The following TSC2 variants were observed in gnomAD, a reference collection of about 807,000 sequenced individuals.
The protein encoded by TSC2 is TSC complex subunit 2.
TSC2 carries 29 observed loss-of-function variants against 202.2 expected under a neutral mutation model. The observed-to-expected ratio is 0.14, with a 90% CI of 0.11 to 0.20. The LOEUF is 0.20. Ranked by LOEUF, TSC2 falls within the 10% of genes least tolerant of loss-of-function variation. The pLI is 1.00. For synonymous variants in TSC2, 1,349 were observed against 1,044.0 expected, an observed-to-expected ratio of 1.29 and a Z score of -5.63; for missense variants, 2,429 against 2,420.0, an observed-to-expected ratio of 1.00 and a Z score of -0.08.
rs1326318078 is a variant in TSC2, at chr16:2,071,611, C to T, written c.1941C>T (p.Asp647=). 2 of 1,613,420 alleles carry T rather than the reference C, an allele frequency of 1.2e-6. No homozygotes were observed. Among genetic ancestry groups the T allele is most frequent in the South Asian group, 1.1e-5 (1 of 91,090 alleles). ...VVRFSPYCVC[D]YMEPERGSEK... is the part of the protein sequence containing the mutation. The stretch of plus-strand genomic sequence containing the variant: ...GGTTCAGCCCCTACTGCGTCTGCGA[C>T]TACATGTACGCGGGACCTCGCCCAC... The change falls in exon 18 of 42, where the codon GAC becomes GAT. Residue 647 remains aspartate, a synonymous_variant. Transcript: ENST00000219476.
chr16:2,056,134 A>T, intron 6 of TSC2, 62 bp from the exon 7 acceptor site: 1 of 1,604,890 alleles, frequency 6.2e-7, no homozygotes, highest in Non-Finnish European at 8.5e-7. Flanking sequence ...ACTAGACCAC[A>T]GCCCGTGGTG....
intron 17 of TSC2, 36 bp downstream of exon 17, chr16:2,070,614 G>A (rs768516174): frequency 1.2e-6 from 2 of 1,612,300 alleles, no homozygotes; most frequent in Non-Finnish European, 1.7e-6. Context: ...AGTTCCTGGG[G>A]GCCCAGCCAG....
At chr16:2,075,023 C>G (rs2089082679) in intron 22 of TSC2, 1 of 158,048 alleles carries the variant, frequency 6.3e-6, no homozygotes, top group African/African-American at 2.5e-5. Context: ...CGAGACCAGC[C>G]TGGCCAACCT....
chr16:2,067,497 G>A (rs1262351872), intron 16 of TSC2, among the ~76,000 whole-genome samples: 4 of 151,556 alleles, frequency 2.6e-5, no homozygotes, highest in East Asian at 2.0e-4. Context: ...TCAGCCGGGT[G>A]TGGTGGCTCA....
intron 15 of TSC2, 157 bp downstream of exon 15, chr16:2,064,584 C>A: frequency 9.3e-7 from 1 of 1,069,704 alleles, no homozygotes; most frequent in Non-Finnish European, 1.4e-6. Context: ...GAGGCCTGTG[C>A]AGGGCCTGCC....
In TSC2 at chr16:2,072,578, G is replaced by C. The variant is rs750646658; in HGVS notation, c.2220+215G>C. ...TTGGGACTGACGTCAGAGGTCCCCAGCCAAGGGCATGTCACTGAATGTGGA... is the reference window on the plus strand; with the variant it reads ...TTGGGACTGACGTCAGAGGTCCCCACCCAAGGGCATGTCACTGAATGTGGA... On this transcript the variant is annotated intron_variant, in intron 20 of 41. Coordinates refer to ENST00000219476, the MANE Select transcript of TSC2 (RefSeq NM_000548.5). The C allele has an allele frequency of 7.8e-4, 647 of 829,526 alleles. 1 individual carries two copies. The highest frequency in any genetic ancestry group is 1.5e-3 in the Admixed American group (54 of 35,898). 51.4% of individuals were successfully genotyped at this position (829,526 alleles called of 1,614,324 possible). A position where few individuals can be genotyped will look rare whatever the true frequency, so the allele number is the denominator to read the frequency against.
At position 2,071,885 on chromosome 16, in the gene TSC2, C is replaced by A. The variant is rs919334398; in HGVS notation, c.2048C>A (p.Ser683Tyr). 1 of 1,597,164 alleles carries A rather than the reference C, an allele frequency of 6.3e-7. No homozygotes were observed. The highest frequency in any genetic ancestry group is 8.5e-7 in the Non-Finnish European group (1 of 1,172,472). Residue 683 changes from serine to tyrosine, a missense_variant, in exon 19 of 42, where the codon TCC (serine) becomes TAC (tyrosine). Ser to Tyr is a moderately radical substitution (Grantham distance 144). Transcript: ENST00000219476. ...GCAGGCCCCGCCGTGCGGCTGGGGT[C>A]CGTGCCCTACTCCCTGCTCTTCCGC... Reference protein sequence around the residue: ...APAGPAVRLGSVPYSLLFRVL... With the variant: ...APAGPAVRLGYVPYSLLFRVL...
intron 30 of TSC2, 35 bp from the exon 31 acceptor site, chr16:2,081,560 C>T (rs1299711204): frequency 6.2e-7 from 1 of 1,612,316 alleles, no homozygotes; most frequent in Non-Finnish European, 8.5e-7. Context: ...AGGGGAGGTA[C>T]TGGCCTCAGG....
At chr16:2,069,408 CTG>C (rs2087876867) in intron 16 of TSC2, among the ~76,000 whole-genome samples, 1 of 152,118 alleles carries the variant, frequency 6.6e-6, no homozygotes, top group African/African-American at 2.4e-5. Flanking sequence ...CCTCCGCCTC[CTG>C]GGTTCAAGCG....
intron 14 of TSC2, chr16:2,063,379 C>T (rs971611241): frequency 2.0e-6 from 1 of 494,194 alleles, no homozygotes. Flanking sequence ...TGCATGGGGA[C>T]ATTGTCTTCC....
chr16:2,054,146 A>G, intron 4 of TSC2, 150 bp from the exon 5 acceptor site: 1 of 1,261,742 alleles, frequency 7.9e-7, no homozygotes, highest in Non-Finnish European at 1.1e-6. Context: ...TACAATGCTG[A>G]TGCTGCAGAC....
chr16:2,066,090 G>A (rs954647494), intron 16 of TSC2: 1 of 176,208 alleles, frequency 5.7e-6, no homozygotes, highest in African/African-American at 2.4e-5. Flanking sequence ...CAACCCCACA[G>A]TCAGCTTGAG....
intron 22 of TSC2, chr16:2,075,232 A>C (rs963311011): frequency 3.9e-5 from 6 of 155,626 alleles, no homozygotes; most frequent in Non-Finnish European, 5.6e-5. Context: ...CAAAAAAAAA[A>C]AAGAGAGAAG....
At chr16:2,077,763 A>G (rs1339770498) in intron 26 of TSC2, 37 bp downstream of exon 26, 2 of 1,608,448 alleles carry the variant, frequency 1.2e-6, no homozygotes. Context: ...CGGACCCTGG[A>G]GCTTGGCCCC....
At chr16:2,083,910 G>A in intron 33 of TSC2, 94 bp downstream of exon 33, 3 of 1,499,752 alleles carry the variant, frequency 2.0e-6, no homozygotes, top group Non-Finnish European at 2.7e-6. Context: ...CCTGGGAACT[G>A]GCTCTGAACT....
Position 2,088,653 on chromosome 16 carries a change from C to T in TSC2, c.*43C>T, listed in dbSNP as rs1249302788. ...CTGCACTGGCCTTGGACGGTATTGC[C>T]TGTCAGTGAAATAAATAAAGTCCTG... On this transcript the variant is annotated 3_prime_UTR_variant, in exon 42 of 42. Coordinates refer to ENST00000219476, the MANE Select transcript of TSC2 (RefSeq NM_000548.5). 6.4e-7 allele frequency: 1 copy of T among 1,574,166 alleles called. No individual in the cohort carries two copies. The highest frequency in any genetic ancestry group is 1.8e-5 in the Admixed American group (1 of 55,928).
chr16:2,084,387 C>G lies in TSC2; in HGVS notation c.4165C>G (p.Pro1389Ala). 6.2e-7 allele frequency: 1 copy of G among 1,612,374 alleles called. No homozygotes were observed. The highest frequency in any genetic ancestry group is 8.5e-7 in the Non-Finnish European group (1 of 1,179,882). Residue 1389 changes from proline to alanine, a missense_variant, in exon 34 of 42, where the codon CCC becomes GCC. Coordinates refer to ENST00000219476, the MANE Select transcript of TSC2 (RefSeq NM_000548.5). ...GCCCCTGAGCAAGTCCAGCTCCTCT[C>G]CCGAGCTGCAGACTCTGCAGGACAT... Reference protein sequence around the residue: ...SQPLSKSSSSPELQTLQDILG... With the variant: ...SQPLSKSSSSAELQTLQDILG...
intron 14 of TSC2, 144 bp downstream of exon 14, chr16:2,063,197 T>A: frequency 1.0e-6 from 1 of 957,140 alleles, no homozygotes; most frequent in East Asian, 2.6e-5. Context: ...CAGCGTGGTC[T>A]GTTTACCCCT....
intron 32 of TSC2, 66 bp from the exon 33 acceptor site, chr16:2,083,629 G>C (rs779226684): frequency 6.5e-7 from 1 of 1,548,980 alleles, no homozygotes; most frequent in Admixed American, 2.0e-5. Context: ...CTGGTTCTCG[G>C]AGGCCACGTC....
Sources: allele counts gnomAD v4.1 joint callset (sites outside exome capture counted in the v4.1 genomes callset), GRCh38; gene constraint gnomAD v4.1.1; transcripts MANE v1.5; gene names NCBI Gene and HGNC (gene_info 2026-07-23, HGNC 2026-07-21).